Variants in CHD6 observed in about 807,000 individuals in gnomAD.
The protein encoded by CHD6 is chromodomain helicase DNA binding protein 6, also known as ATP-dependent chromatin remodeler CHD6.
A neutral mutation model predicts 276.9 loss-of-function variants in CHD6; 50 were observed. The ratio of observed to expected loss-of-function variants is 0.18; its 90% CI spans 0.14 to 0.23. CHD6 has a LOEUF of 0.23. Among genes scored for constraint, CHD6 ranks in the 10% least tolerant of loss-of-function variants. The pLI is 1.00. For synonymous variants in CHD6, 1,173 were observed against 1,229.3 expected, an observed-to-expected ratio of 0.95 and a Z score of 0.96; for missense variants, 2,564 against 3,365.8, an observed-to-expected ratio of 0.76 and a Z score of 5.89.
intron 1 of CHD6, among the ~76,000 whole-genome samples, chr20:41,569,851 A>G (rs2045398360): frequency 1.3e-5 from 2 of 152,334 alleles, no homozygotes; most frequent in South Asian, 4.1e-4. Context: ...ATAGGCAATT[A>G]CTATGCCATT....
intron 23 of CHD6, 126 bp downstream of exon 23, chr20:41,450,820 T>G: frequency 1.2e-6 from 1 of 854,112 alleles, no homozygotes; most frequent in Non-Finnish European, 1.9e-6. Context: ...AGATAACACA[T>G]CCTGTCTTTC....
At chr20:41,422,159 G>A in intron 30 of CHD6, 80 bp from the exon 31 acceptor site, 2 of 1,450,874 alleles carry the variant, frequency 1.4e-6, no homozygotes, top group South Asian at 1.4e-5. Flanking sequence ...TGCATCTTTG[G>A]TCTTGGAGTT....
At chr20:41,519,444 C>A (rs182675404) in intron 3 of CHD6, among the ~76,000 whole-genome samples, 1 of 152,242 alleles carries the variant, frequency 6.6e-6, no homozygotes, top group East Asian at 1.9e-4. Context: ...TTTATTACAA[C>A]ATTTTTTGGT....
intron 2 of CHD6, among the ~76,000 whole-genome samples, chr20:41,550,239 T>C (rs769049546): frequency 2.6e-5 from 4 of 152,240 alleles, no homozygotes; most frequent in Admixed American, 6.5e-5. Context: ...TAAGCCTTTA[T>C]ACACACAGTT....
chr20:41,407,914 C>T (rs933359142), intron 36 of CHD6, among the ~76,000 whole-genome samples: 4 of 152,098 alleles, frequency 2.6e-5, no homozygotes, highest in African/African-American at 9.7e-5. Context: ...GTGAATCAGC[C>T]CTGTGGAGTC....
intron 3 of CHD6, among the ~76,000 whole-genome samples, chr20:41,526,129 T>G (rs925035719): frequency 6.6e-6 from 1 of 151,720 alleles, no homozygotes; most frequent in East Asian, 1.9e-4. Context: ...GGCCACAGAG[T>G]AAGCACTTCT....
At position 41,452,106 on chromosome 20, in the gene CHD6, A is replaced by G; in HGVS notation, c.3324-81T>C. ...CAGCCTCCCCACAGGAGGAGAAACA[A>G]GAGCCATACATGCTTTTTGTTCTCT... On this transcript the variant is annotated intron_variant, in intron 21 of 36. Coordinates refer to ENST00000373233, the MANE Select transcript of CHD6 (RefSeq NM_032221.5). The surrounding 1 kb of genome is among the most constrained non-coding windows in gnomAD (Gnocchi z 4.2). 3 of 1,058,072 alleles carry G rather than the reference A, an allele frequency of 2.8e-6. No individual in the cohort carries two copies. The highest frequency in any genetic ancestry group is 4.3e-6 in the Non-Finnish European group (3 of 692,896). The allele number at this position is 1,058,072 out of a possible 1,614,324, so 65.5% of individuals were successfully genotyped here.
At chr20:41,492,946 C>T (rs2043591085) in intron 10 of CHD6, among the ~76,000 whole-genome samples, 1 of 152,156 alleles carries the variant, frequency 6.6e-6, no homozygotes, top group Non-Finnish European at 1.5e-5. Context: ...GCTCTGATCC[C>T]AACTCCCCTC....
At chr20:41,614,928 A>G (rs946088694) in intron 1 of CHD6, among the ~76,000 whole-genome samples, 1 of 152,196 alleles carries the variant, frequency 6.6e-6, no homozygotes, top group Non-Finnish European at 1.5e-5. Flanking sequence ...GGGTGTCCTC[A>G]CTGTATTCCA....
chr20:41,563,775 T>C (rs2045327010), intron 1 of CHD6, among the ~76,000 whole-genome samples: 1 of 152,160 alleles, frequency 6.6e-6, no homozygotes, highest in African/African-American at 2.4e-5. Context: ...ATAATGTCAA[T>C]TGACCCAGAT....
intron 17 of CHD6, among the ~76,000 whole-genome samples, chr20:41,458,604 A>G (rs2048449911): frequency 6.6e-6 from 1 of 152,142 alleles, no homozygotes; most frequent in Admixed American, 6.5e-5. Flanking sequence ...ACATACTCAC[A>G]CAGATATAGA....
intron 35 of CHD6, among the ~76,000 whole-genome samples, chr20:41,412,821 C>G (rs763179270): frequency 6.6e-6 from 1 of 152,138 alleles, no homozygotes; most frequent in Non-Finnish European, 1.5e-5. Context: ...AAAGACAGTA[C>G]GATGACTTGA....
chr20:41,585,511 C>CAAAAAAA (rs60920576), intron 1 of CHD6, among the ~76,000 whole-genome samples: 5 of 74,228 alleles, frequency 6.7e-5, no homozygotes, highest in Non-Finnish European at 1.3e-4. Context: ...TCCGTCTCAC[C>CAAAAAAA]AAAAAAAAAA....
chr20:41,554,381 A>T (rs538147337), intron 1 of CHD6, among the ~76,000 whole-genome samples: 62 of 72,032 alleles, frequency 8.6e-4, no homozygotes, highest in African/African-American at 4.6e-3. Flanking sequence ...TTTATTTTTT[A>T]TTTATTTATT....
At chr20:41,592,966 T>C (rs2045679199) in intron 1 of CHD6, among the ~76,000 whole-genome samples, 1 of 152,120 alleles carries the variant, frequency 6.6e-6, no homozygotes, top group Non-Finnish European at 1.5e-5. Context: ...AGAAATAATT[T>C]AAGAAGTGAC....
intron 1 of CHD6, among the ~76,000 whole-genome samples, chr20:41,555,256 T>C (rs371841977): frequency 0.55 from 55,901 of 101,470 alleles, 13,694 homozygotes; most frequent in East Asian, 0.75. Flanking sequence ...ACCTCCCTCC[T>C]GGACGGGGCG....
At chr20:41,482,352 ATTATT>A (rs1194932932) in intron 16 of CHD6, among the ~76,000 whole-genome samples, 1 of 152,150 alleles carries the variant, frequency 6.6e-6, no homozygotes, top group Non-Finnish European at 1.5e-5. Flanking sequence ...GCTCTGAGGA[ATTATT>A]TTATTGTCTA....
At chr20:41,605,598 A>G (rs1238529018) in intron 1 of CHD6, among the ~76,000 whole-genome samples, 1 of 152,216 alleles carries the variant, frequency 6.6e-6, no homozygotes, top group Non-Finnish European at 1.5e-5. Context: ...TAAAGGGTGT[A>G]TTAGTACTAA....
rs750470467 is a variant in CHD6, at chr20:41,564,049, C to G, written c.-23-12689G>C. On this transcript the variant is annotated intron_variant, in intron 1 of 36. Transcript: ENST00000373233. ...AGTGAAGATATCTGGGTTCTGAACA[C>G]AAGCGTTGTGGGATTTGGGCAACTT... 5.1e-6 allele frequency: 4 copies of G among 779,532 alleles called. No homozygotes were observed. The South Asian group carries it at 5.4e-5, about 10-fold the overall frequency. 48.3% of individuals were successfully genotyped at this position (779,532 alleles called of 1,614,324 possible).
Sources: gnomAD v4.1 joint callset for allele counts (sites outside exome capture counted in the v4.1 genomes callset) on GRCh38, gnomAD v4.1.1 for gene constraint, Gnocchi (gnomAD v3.1) non-coding constraint, MANE v1.5 for transcripts, NCBI Gene and HGNC (gene_info 2026-07-23, HGNC 2026-07-21) for gene names.